C1orf87: variants seen among roughly 807,000 people sequenced by gnomAD.
The protein encoded by C1orf87 is chromosome 1 open reading frame 87.
Under a neutral mutation model 60.5 loss-of-function variants are expected in C1orf87, and 58 were observed. That is an observed-to-expected ratio of 0.96 (90% CI 0.78 to 1.19). C1orf87 has a LOEUF of 1.19. C1orf87 is among the 50% of genes most tolerant of loss of function. C1orf87 has a pLI of 0.00. For synonymous variants in C1orf87, 236 were observed against 227.4 expected, an observed-to-expected ratio of 1.04 and a Z score of -0.34; for missense variants, 673 against 638.6, an observed-to-expected ratio of 1.05 and a Z score of -0.58.
At chr1:60,000,958 G>T in intron 10 of C1orf87, 119 bp downstream of exon 10, 1 of 787,510 alleles carries the variant, frequency 1.3e-6, no homozygotes, top group Non-Finnish European at 2.1e-6. Context: ...AAGACAGTCT[G>T]ACATCAAGGG....
At chr1:60,032,931 A>G (rs6658288) in intron 7 of C1orf87, among the ~76,000 whole-genome samples, 1,932 of 152,246 alleles carry the variant, frequency 0.013, 54 homozygotes, top group African/African-American at 0.045. Context: ...AGTGGTAATT[A>G]TTATTTTACC....
intron 7 of C1orf87, among the ~76,000 whole-genome samples, chr1:60,027,441 G>C (rs548971233): frequency 1.3e-5 from 2 of 152,160 alleles, no homozygotes; most frequent in African/African-American, 2.4e-5. Context: ...AGAACCTGGC[G>C]CTTCCTCTGG....
intron 6 of C1orf87, among the ~76,000 whole-genome samples, chr1:60,035,178 T>A (rs1172684104): frequency 1.3e-5 from 2 of 152,224 alleles, no homozygotes; most frequent in Non-Finnish European, 2.9e-5. Flanking sequence ...AGCCTCTCTT[T>A]GCTGCAAGGG....
intron 11 of C1orf87, among the ~76,000 whole-genome samples, chr1:59,993,584 A>C (rs1164734371): frequency 6.6e-6 from 1 of 152,106 alleles, no homozygotes; most frequent in African/African-American, 2.4e-5. Flanking sequence ...CATTGATAGA[A>C]GATGCCTAGA....
chr1:60,010,492 T>C, intron 8 of C1orf87, 36 bp from the exon 9 acceptor site: 1 of 1,556,976 alleles, frequency 6.4e-7, no homozygotes, highest in South Asian at 1.1e-5. Context: ...TGGTGATCAA[T>C]ATGATTGCCC....
At chr1:60,007,391 T>A (rs1450970213) in intron 9 of C1orf87, among the ~76,000 whole-genome samples, 1 of 152,114 alleles carries the variant, frequency 6.6e-6, no homozygotes, top group East Asian at 1.9e-4. Flanking sequence ...ATATTCCATT[T>A]GATTCCTTTT....
chr1:60,028,613 G>T (rs926075794), intron 7 of C1orf87, among the ~76,000 whole-genome samples: 9 of 151,970 alleles, frequency 5.9e-5, no homozygotes, highest in African/African-American at 1.9e-4. Context: ...TCCCCAAAAT[G>T]CTCCTTGAAA....
At chr1:60,061,815 G>T (rs906355854) in intron 2 of C1orf87, among the ~76,000 whole-genome samples, 3 of 134,536 alleles carry the variant, frequency 2.2e-5, no homozygotes, top group Admixed American at 1.5e-4. Flanking sequence ...GCTGGGCTTT[G>T]TGGTGCACAC....
In C1orf87 at chr1:60,073,392, C is replaced by T. The variant is rs113380924; in HGVS notation, c.-28+298G>A. ...TAGAAATCATTCTACTCCAAAGGCT[C>T]CTTCACAGATTGGAAAACTAAGGCC... On this transcript the variant is annotated intron_variant, in intron 1 of 11. Transcript: ENST00000371201. Among the ~76,000 whole-genome samples, 587 of 152,220 alleles carry T rather than the reference C, an allele frequency of 3.9e-3. 3 individuals carry two copies. Among genetic ancestry groups the T allele is most frequent in the African/African-American group, 0.013 (557 of 41,542 alleles).
At chr1:60,018,464 G>A (rs546400478) in intron 8 of C1orf87, among the ~76,000 whole-genome samples, 46 of 152,088 alleles carry the variant, frequency 3.0e-4, no homozygotes, top group African/African-American at 1.0e-3. Flanking sequence ...TATTTGCTCC[G>A]CATTTTCTCT....
rs146936366 is a variant in C1orf87 at position 60,006,227 on chromosome 1, G to C, written c.1192+4165C>G. ...AGCCTGAAGATGATGCCAACAGGAG[G>C]TAAGGCATATCAGAGAGCCAGAAAG... is the stretch of plus-strand genomic sequence containing the variant. On this transcript the variant is annotated intron_variant, in intron 9 of 11. Coordinates refer to ENST00000371201, the MANE Select transcript of C1orf87 (RefSeq NM_152377.3). 1.5e-3 allele frequency among the ~76,000 whole-genome samples: 221 copies of C among 152,106 alleles called. No individual in the cohort carries two copies. In the Middle Eastern group the frequency reaches 0.017, roughly 12 times the overall value.
chr1:60,010,671 T>A (rs890714607), intron 8 of C1orf87, among the ~76,000 whole-genome samples: 1 of 151,880 alleles, frequency 6.6e-6, no homozygotes, highest in African/African-American at 2.4e-5. Flanking sequence ...GAACAGAAAG[T>A]TCTAAGTCTA....
chr1:60,011,658 A>G (rs2100258442), intron 8 of C1orf87, among the ~76,000 whole-genome samples: 1 of 152,248 alleles, frequency 6.6e-6, no homozygotes, highest in East Asian at 1.9e-4. Context: ...ACGTCAAGTG[A>G]AAATGAAGAG....
chr1:60,008,690 T>C, intron 9 of C1orf87: 1 of 456,402 alleles, frequency 2.2e-6, no homozygotes, highest in East Asian at 7.0e-5. Flanking sequence ...TTCAGCATTC[T>C]CAGCCCTAGC....
chr1:60,020,053 G>A (rs12124261), intron 8 of C1orf87, among the ~76,000 whole-genome samples: 22,627 of 152,194 alleles, frequency 0.15, 1,796 homozygotes, highest in Non-Finnish European at 0.17. Flanking sequence ...AAGTGATGAG[G>A]AGCTATATAT....
chr1:59,997,086 C>T (rs921680600), intron 11 of C1orf87, among the ~76,000 whole-genome samples: 6 of 151,240 alleles, frequency 4.0e-5, no homozygotes, highest in Admixed American at 6.6e-5. Context: ...ATGGGGAGTT[C>T]GTGGGGGTTG....
intron 9 of C1orf87, 118 bp downstream of exon 9, chr1:60,010,274 A>G (rs1345102496): frequency 6.4e-6 from 6 of 941,308 alleles, no homozygotes; most frequent in Non-Finnish European, 8.3e-6. Context: ...AGCTATTTAC[A>G]TTTCTGAGAG....
intron 7 of C1orf87, 142 bp downstream of exon 7, chr1:60,033,334 A>G (rs901955109): frequency 1.4e-6 from 1 of 734,360 alleles, no homozygotes; most frequent in Non-Finnish European, 2.0e-6. Flanking sequence ...CTTGTTTTTC[A>G]CTTCTCAGGC....
intron 2 of C1orf87, among the ~76,000 whole-genome samples, chr1:60,068,617 C>T (rs952610534): frequency 1.3e-5 from 2 of 152,220 alleles, no homozygotes; most frequent in African/African-American, 4.8e-5. Flanking sequence ...AAAATCAACA[C>T]ATACTGTCTT....
Sources: gnomAD v4.1 joint callset for allele counts (sites outside exome capture counted in the v4.1 genomes callset) on GRCh38, gnomAD v4.1.1 for gene constraint, MANE v1.5 for transcripts, NCBI Gene and HGNC (gene_info 2026-07-23, HGNC 2026-07-21) for gene names.